PHLDB2: variants seen among roughly 807,000 people sequenced by gnomAD.
PHLDB2 encodes pleckstrin homology like domain family B member 2, also known as pleckstrin homology-like domain family B member 2.
A neutral mutation model predicts 123.6 loss-of-function variants in PHLDB2; 71 were observed. The ratio of observed to expected loss-of-function variants is 0.57; its 90% confidence interval spans 0.47 to 0.70. The LOEUF (loss-of-function observed/expected upper bound fraction) is 0.70, where lower values mean the gene tolerates loss of function less well. Ranked by LOEUF, PHLDB2 falls within the 30% of genes least tolerant of loss-of-function variation. PHLDB2 has a pLI of 0.00. For missense variants in PHLDB2, 1,446 were observed against 1,519.5 expected (o/e 0.95, Z 0.80); for synonymous variants, 547 against 541.6 (o/e 1.01, Z -0.14).
At chr3:111,949,288 C>T (rs1303825590) in intron 10 of PHLDB2, among the ~76,000 whole-genome samples, 4 of 152,120 alleles carry the variant, frequency 2.6e-5, no homozygotes, top group African/African-American at 4.8e-5. Context: ...ATTTATGCTA[C>T]GGAGTGGAGT....
intron 2 of PHLDB2, 37 bp downstream of exon 2, chr3:111,885,449 T>A (rs2107335692): frequency 6.2e-7 from 1 of 1,612,844 alleles, no homozygotes; most frequent in East Asian, 2.2e-5. Context: ...CCTCACTGTT[T>A]CATTAACCAG....
rs1160686366 is a variant in PHLDB2, at chr3:111,940,645, A to C, written c.2397A>C (p.Arg799Ser). ...EKNNLIMMLQ[R>S]EKENLCNLEK... The stretch of plus-strand genomic sequence containing the variant: ...ATAATTTAATAATGATGTTGCAAAG[A>C]GTAAGTATTTCCTTTTCAGCACTGG... Residue 799 changes from arginine (R) to serine (S), a missense_variant and splice_region_variant, in exon 8 of 18, where the codon AGA (arginine) becomes AGC (serine). Transcript: ENST00000431670. 1 of 1,557,308 alleles carries C rather than the reference A, an allele frequency of 6.4e-7. No individual in the cohort carries two copies. Among genetic ancestry groups the C allele is most frequent in the South Asian group, 1.2e-5 (1 of 83,374 alleles).
intron 16 of PHLDB2, among the ~76,000 whole-genome samples, chr3:111,971,820 C>T (rs1317595808): frequency 6.6e-6 from 1 of 152,176 alleles, no homozygotes; most frequent in East Asian, 1.9e-4. Context: ...TGGCAAAGTC[C>T]CAGGACTCTG....
At chr3:111,877,375 A>C (rs1015457619) in intron 1 of PHLDB2, among the ~76,000 whole-genome samples, 30 of 152,148 alleles carry the variant, frequency 2.0e-4, no homozygotes, top group Non-Finnish European at 4.3e-4. Context: ...TCTTCTTTTG[A>C]GAAGTGTCTG....
chr3:111,945,226 G>T, intron 8 of PHLDB2, 42 bp from the exon 9 acceptor site: 1 of 1,366,906 alleles, frequency 7.3e-7, no homozygotes, highest in South Asian at 1.2e-5. Flanking sequence ...CAGTTGCATC[G>T]AAGGTTGACT....
intron 1 of PHLDB2, among the ~76,000 whole-genome samples, chr3:111,826,321 A>T (rs1218460337): frequency 6.6e-6 from 1 of 151,846 alleles, no homozygotes; most frequent in African/African-American, 2.4e-5. Context: ...GAAAAAAAAA[A>T]TTTAATTCAA....
chr3:111,914,918 T>C (rs1006881840), intron 3 of PHLDB2: 1 of 151,634 alleles, frequency 6.6e-6, no homozygotes, highest in South Asian at 2.1e-4. Flanking sequence ...TCTTTTGTTA[T>C]TACGTTTTTT....
At chr3:111,817,909 T>C (rs1330584241) in intron 1 of PHLDB2, among the ~76,000 whole-genome samples, 1 of 152,194 alleles carries the variant, frequency 6.6e-6, no homozygotes, top group Non-Finnish European at 1.5e-5. Context: ...TAATATATTA[T>C]TGAAATTAAT....
intron 3 of PHLDB2, chr3:111,913,986 T>C: frequency 2.6e-6 from 1 of 380,308 alleles, no homozygotes; most frequent in East Asian, 4.7e-5. Context: ...TAAGCAGGTG[T>C]AAAACTGGTG....
chr3:111,796,996 T>C (rs976851435), intron 1 of PHLDB2, among the ~76,000 whole-genome samples: 2 of 152,260 alleles, frequency 1.3e-5, no homozygotes, highest in Admixed American at 6.5e-5. Context: ...AAACTTCCTC[T>C]AACCCTTTTC....
At chr3:111,753,918 A>G (rs1433647328) in intron 1 of PHLDB2, among the ~76,000 whole-genome samples, 1 of 152,156 alleles carries the variant, frequency 6.6e-6, no homozygotes, top group East Asian at 1.9e-4. Context: ...TCCTTTCCCC[A>G]TTGCTTGTTT....
chr3:111,948,935 T>C lies in PHLDB2; in HGVS notation c.2491T>C (p.Tyr831His). The change falls in exon 10 of 18, where the codon TAT becomes CAT. Residue 831 changes from tyrosine to histidine, a missense_variant. Physicochemically the swap from Tyr to His is moderately conservative, Grantham distance 83. Transcript: ENST00000431670. ...ACTTCTGAATTCCTCCTTTTAGGGC[T>C]ATATCAGTGTAAATGAGATTAATGA... ...PVNPNTLKEG[Y>H]ISVNEINEPC... The C allele has an allele frequency of 6.2e-7, 1 of 1,613,912 alleles. No individual in the cohort carries two copies.
intron 1 of PHLDB2, among the ~76,000 whole-genome samples, chr3:111,808,492 GTT>G (rs35656564): frequency 0.28 from 41,668 of 146,688 alleles, 6,060 homozygotes; most frequent in Non-Finnish European, 0.32. Context: ...TATATTCTGG[GTT>G]TTTTTTTTTT....
intron 8 of PHLDB2, among the ~76,000 whole-genome samples, chr3:111,944,333 T>C (rs11921814): frequency 0.059 from 9,001 of 152,084 alleles, 873 homozygotes; most frequent in African/African-American, 0.2. Context: ...AACTCATAAA[T>C]TTATATACTT....
intron 2 of PHLDB2, among the ~76,000 whole-genome samples, chr3:111,888,074 A>C (rs1429883779): frequency 6.6e-6 from 1 of 152,064 alleles, no homozygotes; most frequent in Non-Finnish European, 1.5e-5. Context: ...TTTTTTAAGA[A>C]CATATTACAG....
At chr3:111,932,485 A>G (rs1476029764) in intron 6 of PHLDB2, 88 bp downstream of exon 6, 5 of 1,361,526 alleles carry the variant, frequency 3.7e-6, no homozygotes, top group Non-Finnish European at 5.0e-6. Context: ...TTACGACTTC[A>G]TATAGCATAA....
intron 2 of PHLDB2, among the ~76,000 whole-genome samples, chr3:111,910,041 G>T (rs1012187462): frequency 1.3e-5 from 2 of 152,178 alleles, no homozygotes; most frequent in Non-Finnish European, 2.9e-5. Context: ...CCTCTCCTGA[G>T]GGCTGTGAAT....
chr3:111,735,556 GTA>G (rs1042562346), intron 1 of PHLDB2, among the ~76,000 whole-genome samples: 11 of 152,198 alleles, frequency 7.2e-5, no homozygotes, highest in Non-Finnish European at 1.0e-4. Flanking sequence ...TGCCTCACAT[GTA>G]TCTCAAGTGT....
rs528018501 is a variant in PHLDB2, at chr3:111,953,926, G to C, written c.2773-4G>C. 6 of 1,612,472 alleles carry C rather than the reference G, an allele frequency of 3.7e-6. No homozygotes were observed. The East Asian group carries it at 1.1e-4, about 30-fold the overall frequency. ...CCTGAAGTACTCCCTCCTGCTTCCC[G>C]CAGGCCCATCTGCCCCTAGGACAGA... On this transcript the variant is annotated splice_region_variant and splice_polypyrimidine_tract_variant and intron_variant, in intron 11 of 17. Coordinates refer to ENST00000431670, the MANE Select transcript of PHLDB2 (RefSeq NM_001134438.2).
Sources: allele counts gnomAD v4.1 joint callset (sites outside exome capture counted in the v4.1 genomes callset), GRCh38; gene constraint gnomAD v4.1.1; transcripts MANE v1.5; gene names NCBI Gene and HGNC (gene_info 2026-07-23, HGNC 2026-07-21).